The following RAP1B variants were observed in gnomAD, a reference collection of about 807,000 sequenced individuals.
RAP1B encodes the protein RAP1B, member of RAS oncogene family.
A neutral mutation model predicts 27.5 loss-of-function variants in RAP1B; 1 was observed. The ratio of observed to expected loss-of-function variants is 0.04; its 90% CI spans 0.01 to 0.17. The LOEUF is 0.17. Ranked by LOEUF, RAP1B falls within the 10% of genes least tolerant of loss-of-function variation. RAP1B has a pLI of 1.00. For synonymous variants in RAP1B, 75 were observed against 73.1 expected (o/e 1.03, Z -0.13); for missense variants, 84 against 214.8 (o/e 0.39, Z 3.81).
Position 68,663,967 on chromosome 12 carries a change from A to C in RAP1B, c.*4718A>C, listed in dbSNP as rs1874738707. 6.6e-6 allele frequency: 1 copy of C among 152,164 alleles called. No homozygotes were observed. The highest frequency in any genetic ancestry group is 1.5e-5 in the Non-Finnish European group (1 of 68,028). 9.4% of individuals were successfully genotyped at this position (152,164 alleles called of 1,614,324 possible). A position where few individuals can be genotyped will look rare whatever the true frequency, so the allele number is the denominator to read the frequency against. ...AAGTGAGCTGTCATTTTTCATATAT[A>C]TAAATTTTTTTATTCATAGGTAATC... On this transcript the variant is annotated 3_prime_UTR_variant, in exon 8 of 8. Coordinates refer to ENST00000250559, the MANE Select transcript of RAP1B (RefSeq NM_001010942.3).
chr12:68,647,880 A>G (rs1362323851), intron 1 of RAP1B: 1 of 152,200 alleles, frequency 6.6e-6, no homozygotes, highest in Non-Finnish European at 1.5e-5. Context: ...AATCAGTTAT[A>G]GTAGCTTTGT....
rs1873650108 is a variant in RAP1B, at chr12:68,649,370, C to T, written c.57+589C>T. ...TCTTTCTTCTTATGAATAGTCTTAC[C>T]CTGTACATTTTATGTTAGAAAATAT... On this transcript the variant is annotated intron_variant, in intron 2 of 7. Coordinates refer to ENST00000250559, the MANE Select transcript of RAP1B (RefSeq NM_001010942.3). 2.0e-5 allele frequency: 3 copies of T among 152,018 alleles called. No individual in the cohort carries two copies. In the South Asian group the frequency reaches 6.2e-4, roughly 32 times the overall value. 9.4% of individuals were successfully genotyped at this position (152,018 alleles called of 1,614,324 possible).
chr12:68,650,228 G>A (rs2135960890), intron 2 of RAP1B, 172 bp from the exon 3 acceptor site: 3 of 484,594 alleles, frequency 6.2e-6, no homozygotes, highest in South Asian at 9.2e-5. Flanking sequence ...AAAATAAACA[G>A]CTTCCTGAGG....
chr12:68,653,369 T>TGTTACCTTCA (rs756829078), intron 4 of RAP1B, among the ~76,000 whole-genome samples: 31 of 137,952 alleles, frequency 2.2e-4, no homozygotes, highest in Non-Finnish European at 3.3e-4. Context: ...GGCACTGTGT[T>TGTTACCTTCA]GTTACCTTCA....
rs1486933426 is a variant in RAP1B at position 68,663,081 on chromosome 12, G to C, written c.*3832G>C. The C allele has an allele frequency of 8.5e-6, 1 of 117,868 alleles. No individual in the cohort carries two copies. The highest frequency in any genetic ancestry group is 1.8e-5 in the Non-Finnish European group (1 of 56,378). 7.3% of individuals were successfully genotyped at this position (117,868 alleles called of 1,614,324 possible). Reference sequence around the variant, plus strand: ...TTTTTTCTTTTTCTTTTTTTTTTTTGAGACTGAGTTTCGCTCTTGTTGCCC... The same window carrying C: ...TTTTTTCTTTTTCTTTTTTTTTTTTCAGACTGAGTTTCGCTCTTGTTGCCC... On this transcript the variant is annotated 3_prime_UTR_variant, in exon 8 of 8. Transcript: ENST00000250559.
intron 3 of RAP1B, among the ~76,000 whole-genome samples, chr12:68,651,461 C>T (rs1384443058): frequency 2.0e-5 from 3 of 151,972 alleles, no homozygotes; most frequent in African/African-American, 2.4e-5. Context: ...TTCTAAATAC[C>T]TATTTTTCCC....
At chr12:68,620,138 A>G (rs1871290433) in intron 1 of RAP1B, among the ~76,000 whole-genome samples, 1 of 150,242 alleles carries the variant, frequency 6.7e-6, no homozygotes, top group African/African-American at 2.4e-5. Flanking sequence ...CACCTGTAGA[A>G]TGATCCTTTT....
intron 1 of RAP1B, among the ~76,000 whole-genome samples, chr12:68,623,939 T>TGAAC (rs1451536239): frequency 4.0e-5 from 6 of 151,794 alleles, no homozygotes; most frequent in African/African-American, 1.5e-4. Context: ...GAGAATCGCT[T>TGAAC]GAACCCAGGA....
At chr12:68,630,945 T>C (rs1475714857) in intron 1 of RAP1B, among the ~76,000 whole-genome samples, 8 of 152,044 alleles carry the variant, frequency 5.3e-5, no homozygotes, top group African/African-American at 1.9e-4. Flanking sequence ...TTTTTTTTCA[T>C]GTACTTTGGC....
At chr12:68,611,294 T>C (rs1387491774) in intron 1 of RAP1B, among the ~76,000 whole-genome samples, 1 of 150,594 alleles carries the variant, frequency 6.6e-6, no homozygotes, top group Non-Finnish European at 1.5e-5. Context: ...CAGCGCGCTT[T>C]GCGGAAGGGG....
At chr12:68,651,464 T>G (rs765517156) in intron 3 of RAP1B, among the ~76,000 whole-genome samples, 7 of 152,154 alleles carry the variant, frequency 4.6e-5, no homozygotes, top group Non-Finnish European at 1.0e-4. Context: ...TAAATACCTA[T>G]TTTTCCCTAG....
In RAP1B at chr12:68,664,732, GTC is replaced by G. The variant is rs1432714688; in HGVS notation, c.*5487_*5488del. On this transcript the variant is annotated 3_prime_UTR_variant, in exon 8 of 8. Transcript: ENST00000250559. ...AAAAAGAAAAAGAAAAAAAAATCCA[GTC>G]TCTGCTGGCAAGGTGTTTAACAAGT... The G allele has an allele frequency of 1.3e-5, 2 of 151,990 alleles. No homozygotes were observed. Among genetic ancestry groups the G allele is most frequent in the African/African-American group, 2.4e-5 (1 of 41,402 alleles). The allele number at this position is 151,990 out of a possible 1,614,324, so 9.4% of individuals were successfully genotyped here. A position where few individuals can be genotyped will look rare whatever the true frequency, so the allele number is the denominator to read the frequency against.
chr12:68,629,239 A>G (rs2135931703), intron 1 of RAP1B, among the ~76,000 whole-genome samples: 1 of 152,308 alleles, frequency 6.6e-6, no homozygotes, highest in South Asian at 2.1e-4. Flanking sequence ...CCAGCCTCTC[A>G]AAGTGCTAGG....
chr12:68,616,214 G>A (rs1463414958), intron 1 of RAP1B, among the ~76,000 whole-genome samples: 1 of 151,962 alleles, frequency 6.6e-6, no homozygotes. Flanking sequence ...CACCTGCCTC[G>A]GCCTCCCAAA....
intron 1 of RAP1B, among the ~76,000 whole-genome samples, chr12:68,638,833 G>A (rs1000100402): frequency 1.3e-5 from 2 of 151,918 alleles, no homozygotes; most frequent in Admixed American, 1.3e-4. Context: ...ACTGATTTTT[G>A]TATTTTTTAG....
chr12:68,626,236 G>T (rs991284348), intron 1 of RAP1B, among the ~76,000 whole-genome samples: 3 of 152,160 alleles, frequency 2.0e-5, no homozygotes, highest in Admixed American at 2.0e-4. Flanking sequence ...GGTATGCTTT[G>T]TTCTGGAGTT....
chr12:68,635,578 C>T (rs908984924), intron 1 of RAP1B, among the ~76,000 whole-genome samples: 5 of 152,122 alleles, frequency 3.3e-5, no homozygotes, highest in Admixed American at 6.5e-5. Context: ...GCCTTAGCCT[C>T]CCTAATAGCT....
intron 1 of RAP1B, among the ~76,000 whole-genome samples, chr12:68,613,649 A>G (rs1161602855): frequency 1.3e-5 from 2 of 152,228 alleles, no homozygotes; most frequent in Admixed American, 1.3e-4. Flanking sequence ...TGTAAGTACC[A>G]TGAGGGTAGG....
intron 1 of RAP1B, chr12:68,641,263 C>T (rs1872982549): frequency 6.6e-6 from 1 of 152,206 alleles, no homozygotes; most frequent in Non-Finnish European, 1.5e-5. Context: ...GTCTGCTTGT[C>T]TCTGTCTGCC....
Sources: allele counts gnomAD v4.1 joint callset (sites outside exome capture counted in the v4.1 genomes callset), GRCh38; gene constraint gnomAD v4.1.1; transcripts MANE v1.5; gene names NCBI Gene and HGNC (gene_info 2026-07-23, HGNC 2026-07-21).